The following LUZP2 variants were observed in gnomAD, a reference collection of about 807,000 sequenced individuals.
LUZP2 encodes the protein leucine zipper protein 2.
A neutral mutation model predicts 51.6 loss-of-function variants in LUZP2; 52 were observed. The observed-to-expected ratio is 1.01, with a 90% CI of 0.81 to 1.27. The LOEUF (loss-of-function observed/expected upper bound fraction) is 1.27, where lower values mean the gene tolerates loss of function less well. Among genes scored for constraint, LUZP2 ranks in the 50% most tolerant of loss-of-function variants. LUZP2 has a pLI of 0.00. For synonymous variants in LUZP2, 154 were observed against 137.3 expected (o/e 1.12, Z -0.85); for missense variants, 436 against 395.4 (o/e 1.10, Z -0.87).
At chr11:24,634,099 T>A (rs1446979353) in intron 1 of LUZP2, among the ~76,000 whole-genome samples, 3 of 151,986 alleles carry the variant, frequency 2.0e-5, no homozygotes, top group Admixed American at 6.6e-5. Flanking sequence ...AGAAGTATGA[T>A]CTTGAGCAAA....
At chr11:24,696,330 C>T (rs2133899220) in intron 1 of LUZP2, among the ~76,000 whole-genome samples, 1 of 152,182 alleles carries the variant, frequency 6.6e-6, no homozygotes, top group African/African-American at 2.4e-5. Context: ...AAAAGGGTTA[C>T]TGTAAACTCA....
intron 5 of LUZP2, among the ~76,000 whole-genome samples, chr11:24,877,377 G>A (rs542173474): frequency 1.3e-4 from 20 of 151,896 alleles, no homozygotes; most frequent in African/African-American, 3.6e-4. Flanking sequence ...AGAGAAAGTT[G>A]GATAAGAAAA....
rs548495512 is a variant in LUZP2 at position 25,042,851 on chromosome 11, A to AC, written c.766-7186dup. Among the ~76,000 whole-genome samples the AC allele has an allele frequency of 6.6e-5, 10 of 152,284 alleles. No homozygotes were observed. The East Asian group carries it at 1.7e-3, about 26-fold the overall frequency. On this transcript the variant is annotated intron_variant, in intron 9 of 11. Coordinates refer to ENST00000336930, the MANE Select transcript of LUZP2 (RefSeq NM_001009909.4). ...ACACTTGTGATAGCATTTAGGGCTA[A>AC]CATAATAATCCAGGATCCTATGGAG... is the stretch of plus-strand genomic sequence containing the variant.
chr11:25,037,852 T>C (rs1857912792), intron 9 of LUZP2, among the ~76,000 whole-genome samples: 1 of 152,054 alleles, frequency 6.6e-6, no homozygotes, highest in African/African-American at 2.4e-5. Flanking sequence ...GAGTTTCCTC[T>C]GTAGGTTCCC....
At chr11:24,972,588 A>G (rs1565176860) in intron 7 of LUZP2, among the ~76,000 whole-genome samples, 1 of 152,032 alleles carries the variant, frequency 6.6e-6, no homozygotes, top group Non-Finnish European at 1.5e-5. Context: ...TTGTCCTTCT[A>G]TTTTTGAGTA....
At chr11:24,865,819 AT>A (rs1851876780) in intron 5 of LUZP2, among the ~76,000 whole-genome samples, 1 of 148,788 alleles carries the variant, frequency 6.7e-6, no homozygotes. Flanking sequence ...TTATGTATTT[AT>A]TTTTTTTGAG....
intron 3 of LUZP2, among the ~76,000 whole-genome samples, chr11:24,735,251 G>A (rs1858890200): frequency 6.6e-6 from 1 of 151,848 alleles, no homozygotes; most frequent in South Asian, 2.1e-4. Flanking sequence ...GTTGGCTTGA[G>A]CGTCACGTTT....
At chr11:24,587,166 G>A (rs975523540) in intron 1 of LUZP2, among the ~76,000 whole-genome samples, 4 of 152,032 alleles carry the variant, frequency 2.6e-5, no homozygotes, top group Admixed American at 2.6e-4. Context: ...ATAGATGTAC[G>A]TAGGATCTCT....
At chr11:25,054,663 T>G (rs1166538859) in intron 10 of LUZP2, among the ~76,000 whole-genome samples, 2 of 152,150 alleles carry the variant, frequency 1.3e-5, no homozygotes, top group Non-Finnish European at 2.9e-5. Flanking sequence ...CATCTTTCAA[T>G]TTTTTAATTG....
intron 5 of LUZP2, among the ~76,000 whole-genome samples, chr11:24,824,390 A>AAAAAAAAAAAAAT (rs1304693659): frequency 5.4e-5 from 8 of 147,682 alleles, no homozygotes; most frequent in African/African-American, 2.0e-4. Flanking sequence ...AAAAAAAAAA[A>AAAAAAAAAAAAAT]AAATGAGTGG....
At chr11:25,037,598 GT>G (rs1276360375) in intron 9 of LUZP2, among the ~76,000 whole-genome samples, 3 of 152,052 alleles carry the variant, frequency 2.0e-5, no homozygotes, top group Non-Finnish European at 4.4e-5. Context: ...GGCAGGTGCA[GT>G]TTTTTTAAAT....
At chr11:24,809,236 A>G (rs1662780980) in intron 5 of LUZP2, among the ~76,000 whole-genome samples, 1 of 152,212 alleles carries the variant, frequency 6.6e-6, no homozygotes. Flanking sequence ...AAATGAATAA[A>G]TAATAAATAA....
chr11:24,948,654 G>C (rs1176922158), intron 7 of LUZP2, among the ~76,000 whole-genome samples: 2 of 151,708 alleles, frequency 1.3e-5, no homozygotes, highest in East Asian at 3.9e-4. Flanking sequence ...AATATAGACA[G>C]TATAACTCAT....
intron 1 of LUZP2, among the ~76,000 whole-genome samples, chr11:24,688,019 T>TTCTC (rs144526942): frequency 1.3e-5 from 2 of 150,654 alleles, no homozygotes; most frequent in East Asian, 3.9e-4. Flanking sequence ...CTGTCTCTCT[T>TTCTC]TCTCTCTCTC....
chr11:24,599,438 A>G (rs1451103349), intron 1 of LUZP2, among the ~76,000 whole-genome samples: 3 of 152,110 alleles, frequency 2.0e-5, no homozygotes, highest in Non-Finnish European at 4.4e-5. Context: ...ATTTGGGCCA[A>G]TTCAACTGTC....
rs186857611 is a variant in LUZP2, at chr11:24,518,892, G to A, written c.62+21587G>A. Among the ~76,000 whole-genome samples the A allele has an allele frequency of 9.2e-4, 140 of 152,314 alleles. 1 individual carries two copies. Among genetic ancestry groups the A allele is most frequent in the Admixed American group, 8.8e-3 (135 of 15,302 alleles). ...ATCAAGTCTATTTATGCAAATGAAG[G>A]ATTCAAACTTGCTTAGTGCTGATTG... On this transcript the variant is annotated intron_variant, in intron 1 of 11. Transcript: ENST00000336930.
rs570365572 is a variant in LUZP2 at position 24,926,045 on chromosome 11, C to A, written c.522+11507C>A. ...TAGAATGATGGTCTCCAAATCCATC[C>A]AGGTTGCTGCAAATGCTATTATTTT... On this transcript the variant is annotated intron_variant, in intron 7 of 11. Coordinates refer to ENST00000336930, the MANE Select transcript of LUZP2 (RefSeq NM_001009909.4). Among the ~76,000 whole-genome samples the A allele has an allele frequency of 5.3e-5, 8 of 151,958 alleles. No homozygotes were observed. The South Asian group carries it at 1.5e-3, about 28-fold the overall frequency.
At chr11:25,038,114 T>C (rs150474605) in intron 9 of LUZP2, among the ~76,000 whole-genome samples, 66 of 152,250 alleles carry the variant, frequency 4.3e-4, no homozygotes, top group African/African-American at 1.5e-3. Flanking sequence ...TCCAAGTGGC[T>C]TTTTATCTCT....
chr11:24,998,019 G>C (rs1217392416), intron 9 of LUZP2, among the ~76,000 whole-genome samples: 3 of 152,148 alleles, frequency 2.0e-5, no homozygotes, highest in East Asian at 1.9e-4. Context: ...TTGGGTTACT[G>C]TAGCCTTGTA....
Sources: gnomAD v4.1 joint callset for allele counts (sites outside exome capture counted in the v4.1 genomes callset) on GRCh38, gnomAD v4.1.1 for gene constraint, MANE v1.5 for transcripts, NCBI Gene and HGNC (gene_info 2026-07-23, HGNC 2026-07-21) for gene names.